Variants in PHKA1 observed in about 807,000 individuals in gnomAD.
The protein encoded by PHKA1 is phosphorylase b kinase regulatory subunit alpha, skeletal muscle isoform.
PHKA1 carries 60 observed loss-of-function variants against 110.2 expected under a neutral mutation model. That is an observed-to-expected ratio of 0.54 (90% CI 0.44 to 0.68). The LOEUF (loss-of-function observed/expected upper bound fraction) is 0.68, where lower values mean the gene tolerates loss of function less well. Ranked by LOEUF, PHKA1 falls within the 30% of genes least tolerant of loss-of-function variation. The pLI is 0.00. For synonymous variants in PHKA1, 316 were observed against 333.6 expected (o/e 0.95, Z 0.58); for missense variants, 801 against 942.5 (o/e 0.85, Z 1.97).
intron 3 of PHKA1, among the ~76,000 whole-genome samples, chrX:72,703,791 C>T (rs2054239509): frequency 8.9e-6 from 1 of 112,193 alleles, no homozygotes; most frequent in African/African-American, 3.2e-5. Flanking sequence ...CTATATATTT[C>T]CTTCTACTAT....
At position 72,713,928 on chromosome X, in the gene PHKA1, G is replaced by A. The variant is rs1556336011; in HGVS notation, c.-48C>T. ...TCTGAGAAATAGCCCGGGTGCCACC[G>A]GAGCCTTCGGTCCCTAAGGAACAAG... On this transcript the variant is annotated 5_prime_UTR_variant, in exon 1 of 32. Coordinates refer to ENST00000373542, the MANE Select transcript of PHKA1 (RefSeq NM_002637.4). The A allele has an allele frequency of 5.2e-6, 5 of 952,563 alleles. No homozygotes were observed. Among genetic ancestry groups the A allele is most frequent in the Non-Finnish European group, 7.5e-6 (5 of 664,604 alleles). The allele number at this position is 952,563 out of a possible 1,213,427, so 78.5% of individuals were successfully genotyped here.
At chrX:72,615,757 GGA>G (rs2052887064) in intron 21 of PHKA1, among the ~76,000 whole-genome samples, 1 of 74,461 alleles carries the variant, frequency 1.3e-5, no homozygotes, top group Non-Finnish European at 2.4e-5. Context: ...AGGGGGGGAA[GGA>G]AGGAAGGAAG....
At chrX:72,681,595 C>T (rs1410704244) in intron 5 of PHKA1, among the ~76,000 whole-genome samples, 36 of 79,013 alleles carry the variant, frequency 4.6e-4, no homozygotes, top group East Asian at 9.1e-4. Context: ...AGGTGAGGGG[C>T]GCCTCTGCCC....
chrX:72,622,674 C>T (rs1332100720), intron 18 of PHKA1: 7 of 743,016 alleles, frequency 9.4e-6, no homozygotes, highest in Non-Finnish European at 1.1e-5. Context: ...CAGACCTCCC[C>T]AGAGATTCCG....
At chrX:72,613,799 T>C (rs1177567352) in intron 21 of PHKA1, among the ~76,000 whole-genome samples, 3 of 112,040 alleles carry the variant, frequency 2.7e-5, no homozygotes, top group Non-Finnish European at 5.6e-5. Context: ...ATCAACACTA[T>C]GATATGACAC....
At chrX:72,667,322 C>A in intron 7 of PHKA1, 53 bp downstream of exon 7, 1 of 901,404 alleles carries the variant, frequency 1.1e-6, no homozygotes, top group Admixed American at 2.3e-5. Flanking sequence ...ATGCTTAAAT[C>A]TGAGTCTGGG....
intron 17 of PHKA1, among the ~76,000 whole-genome samples, chrX:72,625,144 A>G (rs1402596559): frequency 9.0e-6 from 1 of 111,704 alleles, no homozygotes; most frequent in African/African-American, 3.3e-5. Context: ...ACATGTGCAG[A>G]TTTGTTACAT....
chrX:72,625,366 G>C (rs1027065583), intron 17 of PHKA1, among the ~76,000 whole-genome samples: 3 of 111,623 alleles, frequency 2.7e-5, no homozygotes, highest in Non-Finnish European at 3.8e-5. Flanking sequence ...GTGGTATTTG[G>C]TTTTCTGTTC....
chrX:72,619,858 CAGAA>C (rs2052951318), intron 19 of PHKA1, among the ~76,000 whole-genome samples: 1 of 111,787 alleles, frequency 8.9e-6, no homozygotes, highest in Admixed American at 9.5e-5. Flanking sequence ...TTTACAGATA[CAGAA>C]AGAGAGATAC....
intron 20 of PHKA1, 78 bp downstream of exon 20, chrX:72,619,136 A>G: frequency 3.2e-6 from 2 of 633,656 alleles, no homozygotes; most frequent in South Asian, 4.7e-5. Flanking sequence ...CAAGAACCAT[A>G]ATGACTAGTC....
chrX:72,593,124 C>T lies in PHKA1; in HGVS notation c.3223G>A (p.Val1075Ile). The change falls in exon 29 of 32, where the codon GTA becomes ATA. Residue 1075 changes from valine (V) to isoleucine (I), a missense_variant. By Grantham distance (29) the Val-to-Ile change is conservative. Coordinates refer to ENST00000373542, the MANE Select transcript of PHKA1 (RefSeq NM_002637.4). ...NRVPVGFYQKVWKVLQKCHGL... is the reference protein window; with the variant it reads ...NRVPVGFYQKIWKVLQKCHGL... ...CTCACCTTCTGCAAAACTTTCCATA[C>T]TTTCTGATAAAATCCAACTGGAACT... 8.3e-7 allele frequency: 1 copy of T among 1,201,507 alleles called. No homozygotes were observed. The highest frequency in any genetic ancestry group is 1.1e-6 in the Non-Finnish European group (1 of 886,165).
chrX:72,636,341 A>G lies in PHKA1; in HGVS notation c.1505T>C (p.Met502Thr). Residue 502 changes from methionine (M) to threonine (T), a missense_variant, in exon 15 of 32, where the codon ATG becomes ACG. By Grantham distance (81) the Met-to-Thr change is moderately conservative. Transcript: ENST00000373542. ...GAGTTTTGAAGTTCCAAGCACTCCC[A>G]TGTGTCTGTAGGGTCGTCCACTGAG... Reference protein sequence around the residue: ...MKLSGRPYRHMGVLGTSKLYD... With the variant: ...MKLSGRPYRHTGVLGTSKLYD... The G allele has an allele frequency of 8.3e-7, 1 of 1,203,148 alleles. No individual in the cohort carries two copies. Among genetic ancestry groups the G allele is most frequent in the South Asian group, 1.8e-5 (1 of 56,802 alleles).
Position 72,656,112 on chromosome X carries a change from C to A in PHKA1, c.1041+8G>T, listed in dbSNP as rs1556301287. ...ATTCTGCTGAAAACTCTTTCCCCAG[C>A]TTATTACCTGTTCTGCATTGCCACT... is the stretch of plus-strand genomic sequence containing the variant. On this transcript the variant is annotated splice_region_variant and intron_variant, in intron 10 of 31. Coordinates refer to ENST00000373542, the MANE Select transcript of PHKA1 (RefSeq NM_002637.4). 8.3e-7 allele frequency: 1 copy of A among 1,210,409 alleles called. No individual in the cohort carries two copies. The highest frequency in any genetic ancestry group is 1.7e-5 in the African/African-American group (1 of 57,762).
intron 2 of PHKA1, among the ~76,000 whole-genome samples, chrX:72,710,042 C>CAAAAA (rs374071163): frequency 2.1e-4 from 4 of 19,228 alleles, no homozygotes; most frequent in Admixed American, 6.2e-4. Flanking sequence ...ACTTAGTCTT[C>CAAAAA]AAAAAAAAAA....
chrX:72,638,787 C>A (rs2053260668), intron 14 of PHKA1, among the ~76,000 whole-genome samples: 1 of 111,762 alleles, frequency 8.9e-6, no homozygotes, highest in African/African-American at 3.3e-5. Flanking sequence ...ATAGGAAGGT[C>A]CTGAAATGCA....
At chrX:72,709,833 G>T (rs1758826740) in intron 2 of PHKA1, among the ~76,000 whole-genome samples, 1 of 109,381 alleles carries the variant, frequency 9.1e-6, no homozygotes, top group East Asian at 2.8e-4. Flanking sequence ...TTGAGATCAG[G>T]AGTTCCAGAC....
At chrX:72,708,426 T>C (rs1210402451) in intron 2 of PHKA1, among the ~76,000 whole-genome samples, 1 of 111,454 alleles carries the variant, frequency 9.0e-6, no homozygotes, top group East Asian at 2.8e-4. Flanking sequence ...TGATATAATA[T>C]TGAAAAAAAT....
intron 23 of PHKA1, among the ~76,000 whole-genome samples, chrX:72,606,241 G>A (rs1321468740): frequency 9.0e-6 from 1 of 111,183 alleles, no homozygotes; most frequent in East Asian, 2.8e-4. Flanking sequence ...CATCTCTTCA[G>A]CATCCCACCC....
intron 16 of PHKA1, among the ~76,000 whole-genome samples, chrX:72,631,130 A>G (rs919247651): frequency 9.7e-5 from 10 of 103,042 alleles, no homozygotes; most frequent in African/African-American, 2.9e-4. Context: ...CTCAGTTATT[A>G]TATTTTTCAG....
Sources: gnomAD v4.1 joint callset for allele counts (sites outside exome capture counted in the v4.1 genomes callset) on GRCh38, gnomAD v4.1.1 for gene constraint, MANE v1.5 for transcripts, NCBI Gene and HGNC (gene_info 2026-07-23, HGNC 2026-07-21) for gene names.